Variants in CISD1 observed in about 807,000 individuals in gnomAD.
CISD1 encodes CDGSH iron sulfur domain 1, also known as CDGSH iron-sulfur domain-containing protein 1.
In CISD1, 8 loss-of-function variants were observed where a neutral mutation model predicts 12.0. The observed-to-expected ratio is 0.67, with a 90% confidence interval of 0.39 to 1.20. The LOEUF (loss-of-function observed/expected upper bound fraction) is 1.20, where lower values mean the gene tolerates loss of function less well. CISD1 is among the 50% of genes most tolerant of loss of function. CISD1 has a pLI of 0.01. For missense variants in CISD1, 107 were observed against 132.7 expected (o/e 0.81, Z 0.95); for synonymous variants, 38 against 42.2 (o/e 0.90, Z 0.39).
chr10:58,275,715 C>T (rs966993162), intron 1 of CISD1, among the ~76,000 whole-genome samples: 4 of 151,972 alleles, frequency 2.6e-5, no homozygotes, highest in South Asian at 2.1e-4. Context: ...GAGGATAAAC[C>T]GGAAGAGGCA....
rs1839445018 is a variant in CISD1 at position 58,287,811 on chromosome 10, C to G, written c.*161C>G. The G allele has an allele frequency of 7.8e-6, 3 of 383,350 alleles. No homozygotes were observed. Among genetic ancestry groups the G allele is most frequent in the African/African-American group, 2.2e-5 (1 of 45,586 alleles). The allele number at this position is 383,350 out of a possible 1,614,324, so 23.7% of individuals were successfully genotyped here. A position where few individuals can be genotyped will look rare whatever the true frequency, so the allele number is the denominator to read the frequency against. On this transcript the variant is annotated 3_prime_UTR_variant, in exon 3 of 3. Coordinates refer to ENST00000333926, the MANE Select transcript of CISD1 (RefSeq NM_018464.5). Reference sequence around the variant, plus strand: ...TATGGCATTTGTCTTGTTGAAACATCGTGGTGCACATTTGTTTAAACAAAA... The same window carrying G: ...TATGGCATTTGTCTTGTTGAAACATGGTGGTGCACATTTGTTTAAACAAAA...
chr10:58,281,252 A>G (rs1839370858), intron 2 of CISD1, among the ~76,000 whole-genome samples: 1 of 152,196 alleles, frequency 6.6e-6, no homozygotes, highest in Non-Finnish European at 1.5e-5. Context: ...TTCATTTTAC[A>G]ATTTAGAGTT....
At chr10:58,275,193 G>A (rs1839299080) in intron 1 of CISD1, among the ~76,000 whole-genome samples, 1 of 152,172 alleles carries the variant, frequency 6.6e-6, no homozygotes, top group South Asian at 2.1e-4. Flanking sequence ...AAATGTTGTG[G>A]TGCATATACT....
chr10:58,278,301 G>T (rs1839337706), intron 2 of CISD1, among the ~76,000 whole-genome samples: 1 of 152,108 alleles, frequency 6.6e-6, no homozygotes. Context: ...ACTTTGGGTG[G>T]TTGAGGCAGA....
At chr10:58,285,713 G>GA (rs1195329722) in intron 2 of CISD1, among the ~76,000 whole-genome samples, 1 of 152,074 alleles carries the variant, frequency 6.6e-6, no homozygotes, top group African/African-American at 2.4e-5. Flanking sequence ...TTTTACAATA[G>GA]AGGATATACT....
intron 2 of CISD1, among the ~76,000 whole-genome samples, chr10:58,282,451 C>T (rs770875580): frequency 3.3e-5 from 5 of 152,164 alleles, no homozygotes; most frequent in Non-Finnish European, 7.3e-5. Flanking sequence ...CAAATAATAC[C>T]TAATACAGTG....
rs1265352909 is a variant in CISD1, at chr10:58,288,643, C to T, written c.*993C>T. On this transcript the variant is annotated 3_prime_UTR_variant, in exon 3 of 3. Transcript: ENST00000333926. ...TTTATGTAATATTCTTCAAAGACTC[C>T]GAGCAGAAACATTGCATTCATTGTT... is the stretch of plus-strand genomic sequence containing the variant. 6.6e-6 allele frequency: 1 copy of T among 150,840 alleles called. No individual in the cohort carries two copies. Among genetic ancestry groups the T allele is most frequent in the Non-Finnish European group, 1.5e-5 (1 of 67,516 alleles). 9.3% of individuals were successfully genotyped at this position (150,840 alleles called of 1,614,324 possible).
intron 2 of CISD1, among the ~76,000 whole-genome samples, chr10:58,281,516 T>C (rs1192526047): frequency 2.0e-5 from 3 of 152,240 alleles, no homozygotes; most frequent in African/African-American, 7.2e-5. Context: ...AGTTAACAAA[T>C]GTTGTTATTC....
In CISD1 at chr10:58,269,227, G is replaced by C. The variant is rs747876636; in HGVS notation, c.-47G>C. 3 of 1,600,086 alleles carry C rather than the reference G, an allele frequency of 1.9e-6. 1 individual carries two copies. The highest frequency in any genetic ancestry group is 3.3e-5 in the Admixed American group (2 of 60,020). ...TTACTCTCGCCGGCCGCGCGAACCC[G>C]TTTGAGCTCGGTATCCTAGTGCACA... On this transcript the variant is annotated 5_prime_UTR_variant, in exon 1 of 3. Transcript: ENST00000333926.
chr10:58,278,168 C>T (rs1005984227), intron 2 of CISD1, among the ~76,000 whole-genome samples: 3 of 152,098 alleles, frequency 2.0e-5, no homozygotes, highest in Non-Finnish European at 4.4e-5. Context: ...ATTTGTACAC[C>T]GAATGACTTC....
chr10:58,284,210 C>A (rs1233592285), intron 2 of CISD1, among the ~76,000 whole-genome samples: 1 of 151,946 alleles, frequency 6.6e-6, no homozygotes, highest in Non-Finnish European at 1.5e-5. Context: ...ATGGCATGCA[C>A]CTATAGTCCT....
At chr10:58,271,879 T>C (rs1839253949) in intron 1 of CISD1, among the ~76,000 whole-genome samples, 1 of 152,222 alleles carries the variant, frequency 6.6e-6, no homozygotes, top group Admixed American at 6.5e-5. Context: ...GATACCAGTA[T>C]GGTCGATAAG....
intron 1 of CISD1, 34 bp from the exon 2 acceptor site, chr10:58,277,083 T>G: frequency 1.3e-6 from 2 of 1,511,672 alleles, no homozygotes; most frequent in South Asian, 2.5e-5. Context: ...ATATTTTGGT[T>G]TTGATAATTA....
chr10:58,280,251 G>A lies in CISD1; in HGVS notation c.237+2929G>A, dbSNP rs1839359238. On this transcript the variant is annotated intron_variant, in intron 2 of 2. Coordinates refer to ENST00000333926, the MANE Select transcript of CISD1 (RefSeq NM_018464.5). ...AGGAGTCTGTGACTCCAGACATGGGGAGCTCCTTGACAGGGGTTTCAAACA... is the reference window on the plus strand; with the variant it reads ...AGGAGTCTGTGACTCCAGACATGGGAAGCTCCTTGACAGGGGTTTCAAACA... 2.0e-5 allele frequency among the ~76,000 whole-genome samples: 3 copies of A among 152,310 alleles called. No individual in the cohort carries two copies. In the South Asian group the frequency reaches 6.2e-4, roughly 32 times the overall value.
chr10:58,276,394 A>C (rs1180624430), intron 1 of CISD1, among the ~76,000 whole-genome samples: 1 of 151,926 alleles, frequency 6.6e-6, no homozygotes, highest in East Asian at 1.9e-4. Context: ...AACTATACTT[A>C]TATAATCATG....
At chr10:58,280,716 G>A (rs775600377) in intron 2 of CISD1, among the ~76,000 whole-genome samples, 1 of 152,154 alleles carries the variant, frequency 6.6e-6, no homozygotes, top group South Asian at 2.1e-4. Flanking sequence ...TTGGAAGGGG[G>A]ACAAGAGCCA....
At chr10:58,282,404 C>G (rs768634779) in intron 2 of CISD1, among the ~76,000 whole-genome samples, 1 of 152,158 alleles carries the variant, frequency 6.6e-6, no homozygotes, top group Non-Finnish European at 1.5e-5. Context: ...TGCACATAAT[C>G]CTGTATACTT....
At chr10:58,284,107 G>A (rs1370125315) in intron 2 of CISD1, among the ~76,000 whole-genome samples, 2 of 151,884 alleles carry the variant, frequency 1.3e-5, no homozygotes, top group East Asian at 1.9e-4. Context: ...AGACACAGTC[G>A]CTTAGGCCTG....
chr10:58,271,262 G>A (rs1300775710), intron 1 of CISD1, among the ~76,000 whole-genome samples: 1 of 148,122 alleles, frequency 6.8e-6, no homozygotes, highest in Non-Finnish European at 1.5e-5. Context: ...GATGGCTCTC[G>A]ATCTCCTGAC....
Sources: allele counts gnomAD v4.1 joint callset (sites outside exome capture counted in the v4.1 genomes callset), GRCh38; gene constraint gnomAD v4.1.1; transcripts MANE v1.5; gene names NCBI Gene and HGNC (gene_info 2026-07-23, HGNC 2026-07-21).